CFAP299: variants seen among roughly 807,000 people sequenced by gnomAD.
CFAP299 encodes cilia and flagella associated protein 299, also known as cilia- and flagella-associated protein 299.
Under a neutral mutation model 27.0 loss-of-function variants are expected in CFAP299, and 21 were observed. That is an observed-to-expected ratio of 0.78 (90% CI 0.55 to 1.12). The LOEUF (loss-of-function observed/expected upper bound fraction) is 1.12, where lower values mean the gene tolerates loss of function less well. Ranked by LOEUF, CFAP299 falls within the 50% of genes most tolerant of loss-of-function variation. The pLI, the probability that CFAP299 is intolerant of heterozygous loss-of-function variation, is 0.00. For missense variants in CFAP299, 310 were observed against 276.6 expected, an observed-to-expected ratio of 1.12 and a Z score of -0.86; for synonymous variants, 104 against 98.1, an observed-to-expected ratio of 1.06 and a Z score of -0.36.
intron 3 of CFAP299, among the ~76,000 whole-genome samples, chr4:80,653,578 G>A (rs557164580): frequency 6.6e-6 from 1 of 152,026 alleles, no homozygotes; most frequent in Admixed American, 6.6e-5. Flanking sequence ...ATACCTCAGA[G>A]GGACAGAAAG....
chr4:80,560,632 T>A (rs1222131418), intron 2 of CFAP299, among the ~76,000 whole-genome samples: 1 of 152,036 alleles, frequency 6.6e-6, no homozygotes, highest in East Asian at 1.9e-4. Flanking sequence ...ACAAGCTGAC[T>A]AAAGAGACCG....
chr4:80,800,046 T>C (rs1373871182), intron 3 of CFAP299, among the ~76,000 whole-genome samples: 1 of 64,560 alleles, frequency 1.5e-5, no homozygotes, highest in East Asian at 5.3e-4. Flanking sequence ...TAATAATATA[T>C]AATAAATGCT....
chr4:80,860,732 G>A (rs1459454429), intron 3 of CFAP299, among the ~76,000 whole-genome samples: 1 of 152,146 alleles, frequency 6.6e-6, no homozygotes, highest in Non-Finnish European at 1.5e-5. Context: ...GGTTTTTCAT[G>A]AACCGCGAAT....
At chr4:80,432,474 A>G (rs1727866340) in intron 2 of CFAP299, among the ~76,000 whole-genome samples, 1 of 146,224 alleles carries the variant, frequency 6.8e-6, no homozygotes, top group African/African-American at 2.5e-5. Context: ...TATTTATGCT[A>G]TTTCTAAAAG....
chr4:80,362,712 G>GTC (rs1245114873), intron 1 of CFAP299, 42 bp from the exon 2 acceptor site: 1 of 1,552,596 alleles, frequency 6.4e-7, no homozygotes, highest in Non-Finnish European at 8.6e-7. Flanking sequence ...AAAATAGTAT[G>GTC]TCTCATTTGC....
At chr4:80,614,007 T>C (rs1738143064) in intron 3 of CFAP299, among the ~76,000 whole-genome samples, 1 of 152,188 alleles carries the variant, frequency 6.6e-6, no homozygotes, top group Non-Finnish European at 1.5e-5. Context: ...TGTATTATTA[T>C]TGTTTTCCAA....
chr4:80,586,807 G>A (rs1736469624), intron 3 of CFAP299, among the ~76,000 whole-genome samples: 3 of 152,120 alleles, frequency 2.0e-5, no homozygotes, highest in South Asian at 2.1e-4. Context: ...GCTGTTCGGG[G>A]TGGGAAAAGT....
intron 3 of CFAP299, among the ~76,000 whole-genome samples, chr4:80,820,624 A>G (rs1011951066): frequency 2.6e-5 from 4 of 152,040 alleles, no homozygotes; most frequent in South Asian, 4.2e-4. Flanking sequence ...AGTAGTTTTA[A>G]GCAGAAGAGC....
At chr4:80,573,037 G>C (rs574084204) in intron 2 of CFAP299, among the ~76,000 whole-genome samples, 3 of 152,182 alleles carry the variant, frequency 2.0e-5, no homozygotes, top group Non-Finnish European at 2.9e-5. Flanking sequence ...GTTTTCTGAG[G>C]AACGTACAAA....
At chr4:80,865,285 G>T (rs1488797140) in intron 3 of CFAP299, among the ~76,000 whole-genome samples, 1 of 152,126 alleles carries the variant, frequency 6.6e-6, no homozygotes, top group Non-Finnish European at 1.5e-5. Flanking sequence ...ATTAACTCTG[G>T]AGCAAAATAT....
chr4:80,731,233 A>G (rs548643197), intron 3 of CFAP299, among the ~76,000 whole-genome samples: 67 of 152,226 alleles, frequency 4.4e-4, no homozygotes, highest in African/African-American at 1.6e-3. Flanking sequence ...TGCCATATCA[A>G]CTCACATACT....
intron 3 of CFAP299, among the ~76,000 whole-genome samples, chr4:80,693,151 G>T (rs142543488): frequency 6.6e-6 from 1 of 152,138 alleles, no homozygotes; most frequent in Non-Finnish European, 1.5e-5. Flanking sequence ...ATTCCTCAGG[G>T]ATCTAGAACT....
chr4:80,599,433 A>G (rs1389987309), intron 3 of CFAP299, among the ~76,000 whole-genome samples: 1 of 152,140 alleles, frequency 6.6e-6, no homozygotes, highest in Non-Finnish European at 1.5e-5. Context: ...CCTGTGAACT[A>G]TCCTTAATTC....
chr4:80,552,845 G>A (rs1040971371), intron 2 of CFAP299, among the ~76,000 whole-genome samples: 1 of 151,932 alleles, frequency 6.6e-6, no homozygotes, highest in African/African-American at 2.4e-5. Flanking sequence ...GTGCCACCAT[G>A]TCCAGCTAAT....
chr4:80,523,037 C>T (rs1578551011), intron 2 of CFAP299, among the ~76,000 whole-genome samples: 1 of 152,004 alleles, frequency 6.6e-6, no homozygotes, highest in African/African-American at 2.4e-5. Context: ...ACAAAAATGT[C>T]TTTGGGATTT....
intron 1 of CFAP299, among the ~76,000 whole-genome samples, chr4:80,339,708 A>T (rs1025124285): frequency 6.6e-6 from 1 of 152,242 alleles, no homozygotes; most frequent in African/African-American, 2.4e-5. Context: ...AACCTAATTA[A>T]CTTAATTCCC....
intron 3 of CFAP299, among the ~76,000 whole-genome samples, chr4:80,822,695 T>G (rs1353237202): frequency 6.6e-6 from 1 of 152,198 alleles, no homozygotes. Flanking sequence ...TGTAACATGA[T>G]GTAACCAAGG....
intron 2 of CFAP299, among the ~76,000 whole-genome samples, chr4:80,501,520 A>C (rs1287475274): frequency 6.8e-6 from 1 of 147,780 alleles, no homozygotes; most frequent in African/African-American, 2.4e-5. Flanking sequence ...GTACATATAA[A>C]TATATAAATT....
intron 3 of CFAP299, among the ~76,000 whole-genome samples, chr4:80,799,806 TATAA>T (rs1728239265): frequency 3.2e-5 from 1 of 31,460 alleles, no homozygotes; most frequent in African/African-American, 2.4e-4. Context: ...TTATATAATA[TATAA>T]ATATATATAT....
Sources: gnomAD v4.1 joint callset for allele counts (sites outside exome capture counted in the v4.1 genomes callset) on GRCh38, gnomAD v4.1.1 for gene constraint, MANE v1.5 for transcripts, NCBI Gene and HGNC (gene_info 2026-07-23, HGNC 2026-07-21) for gene names.